ZNF326: variants seen among roughly 807,000 people sequenced by gnomAD.
ZNF326 encodes zinc finger protein 326.
A neutral mutation model predicts 63.1 loss-of-function variants in ZNF326; 30 were observed. The ratio of observed to expected loss-of-function variants is 0.48; its 90% CI spans 0.36 to 0.64. The LOEUF (loss-of-function observed/expected upper bound fraction) is 0.64. Ranked by LOEUF, ZNF326 falls within the 30% of genes least tolerant of loss-of-function variation. ZNF326 has a pLI of 0.00. For synonymous variants in ZNF326, 194 were observed against 228.2 expected (o/e 0.85, Z 1.35); for missense variants, 609 against 720.3 (o/e 0.85, Z 1.77).
intron 4 of ZNF326, among the ~76,000 whole-genome samples, chr1:90,006,830 C>A (rs760845088): frequency 6.6e-6 from 1 of 152,136 alleles, no homozygotes; most frequent in Non-Finnish European, 1.5e-5. Flanking sequence ...CCTACAGACA[C>A]AATGAAGCAG....
rs1273858503 is a variant in ZNF326, at chr1:90,034,579, A to G, written c.*6878A>G. The G allele has an allele frequency of 2.0e-5, 3 of 152,190 alleles. No homozygotes were observed. The highest frequency in any genetic ancestry group is 7.2e-5 in the African/African-American group (3 of 41,472). The allele number at this position is 152,190 out of a possible 1,614,324, so 9.4% of individuals were successfully genotyped here. ...GTAGGAATTCAGGGTCCATCCTGTC[A>G]TCACAATGCAATGAAACAAAAAATT... On this transcript the variant is annotated 3_prime_UTR_variant, in exon 12 of 12. Transcript: ENST00000340281.
At chr1:90,027,033 A>G (rs1034672942) in intron 11 of ZNF326, among the ~76,000 whole-genome samples, 1 of 150,356 alleles carries the variant, frequency 6.7e-6, no homozygotes, top group African/African-American at 2.4e-5. Flanking sequence ...TGTTTCTACC[A>G]AAAACCACAC....
In ZNF326 at chr1:90,007,543, C is replaced by T; in HGVS notation, c.408C>T (p.Tyr136=). The change falls in exon 5 of 12, where the codon TAC becomes TAT. Residue 136 remains tyrosine, a synonymous_variant. Coordinates refer to ENST00000340281, the MANE Select transcript of ZNF326 (RefSeq NM_182976.4). This position sits in a 1 kb window ranked among gnomAD's most constrained non-coding sequence, Gnocchi z 4.9. ...NQGGSSWEAP[Y]SRSKLRPGFM... ...GCGGGTCTAGCTGGGAAGCACCTTA[C>T]TCCCGTTCAAAATTGAGGCCTGGGT... is the stretch of plus-strand genomic sequence containing the variant. 1.9e-6 allele frequency: 3 copies of T among 1,614,018 alleles called. No homozygotes were observed. The highest frequency in any genetic ancestry group is 2.5e-6 in the Non-Finnish European group (3 of 1,179,978).
rs566319916 is a variant in ZNF326, at chr1:90,007,183, A to T, written c.210-162A>T. ...AGCTTTCTATCTGGTCTCACGTTGA[A>T]CTGCCCAGCCCTAATCAAATGTGAA... On this transcript the variant is annotated intron_variant, in intron 4 of 11. Transcript: ENST00000340281. The surrounding 1 kb of genome is among the most constrained non-coding windows in gnomAD (Gnocchi z 4.9). 2.6e-5 allele frequency among the ~76,000 whole-genome samples: 4 copies of T among 152,352 alleles called. No individual in the cohort carries two copies. The highest frequency in any genetic ancestry group is 2.6e-4 in the Admixed American group (4 of 15,300).
At chr1:89,995,571 G>GA (rs1239524446) in intron 1 of ZNF326, among the ~76,000 whole-genome samples, 1 of 152,260 alleles carries the variant, frequency 6.6e-6, no homozygotes, top group Non-Finnish European at 1.5e-5. Flanking sequence ...CCTGGTAGTG[G>GA]AAATTGCCCC....
At chr1:90,002,398 A>C (rs1213307997) in intron 2 of ZNF326, among the ~76,000 whole-genome samples, 1 of 152,226 alleles carries the variant, frequency 6.6e-6, no homozygotes, top group Non-Finnish European at 1.5e-5. Flanking sequence ...GTGCTAACTC[A>C]AAATAGAAAC....
chr1:90,022,187 A>G (rs1570319177), intron 10 of ZNF326, 63 bp from the exon 11 acceptor site: 1 of 1,216,292 alleles, frequency 8.2e-7, no homozygotes, highest in African/African-American at 1.5e-5. Context: ...TGCTGTTTTA[A>G]TTATGGAAAT....
At chr1:89,998,415 A>G (rs1016848039) in intron 2 of ZNF326, among the ~76,000 whole-genome samples, 6 of 152,172 alleles carry the variant, frequency 3.9e-5, no homozygotes, top group Admixed American at 3.9e-4. Context: ...GGGCCTAACT[A>G]CATTCTGAGT....
At chr1:90,015,983 T>G (rs544778995) in intron 7 of ZNF326, among the ~76,000 whole-genome samples, 1 of 152,244 alleles carries the variant, frequency 6.6e-6, no homozygotes, top group South Asian at 2.1e-4. Context: ...AAGAAGAGAT[T>G]AGGAAATTTC....
In ZNF326 at chr1:90,027,390, G is replaced by T; in HGVS notation, c.1438G>T (p.Asp480Tyr). 1 of 1,613,892 alleles carries T rather than the reference G, an allele frequency of 6.2e-7. No individual in the cohort carries two copies. Among genetic ancestry groups the T allele is most frequent in the Non-Finnish European group, 8.5e-7 (1 of 1,179,938 alleles). ...TTTTGAAATTCAAGACCATTCTCAGGATCAGCAAATAGAAGGAGATGAGGA... is the reference window on the plus strand; with the variant it reads ...TTTTGAAATTCAAGACCATTCTCAGTATCAGCAAATAGAAGGAGATGAGGA... ...NPFEIQDHSQDQQIEGDEEDE... is the reference protein window; with the variant it reads ...NPFEIQDHSQYQQIEGDEEDE... The change falls in exon 12 of 12, where the codon GAT becomes TAT. Residue 480 changes from aspartate (D) to tyrosine (Y), a missense_variant. Asp to Tyr is a radical substitution (Grantham distance 160). Coordinates refer to ENST00000340281, the MANE Select transcript of ZNF326 (RefSeq NM_182976.4).
chr1:90,022,709 A>T (rs72716378), intron 11 of ZNF326, among the ~76,000 whole-genome samples: 2,252 of 152,266 alleles, frequency 0.015, 21 homozygotes, highest in Non-Finnish European at 0.022. Flanking sequence ...GTAGACTTAG[A>T]TCCTCCCAAT....
Position 90,032,822 on chromosome 1 carries a change from A to T in ZNF326, c.*5121A>T, listed in dbSNP as rs555302248. 1 of 152,362 alleles carries T rather than the reference A, an allele frequency of 6.6e-6. No homozygotes were observed. The highest frequency in any genetic ancestry group is 2.4e-5 in the African/African-American group (1 of 41,582). 9.4% of individuals were successfully genotyped at this position (152,362 alleles called of 1,614,324 possible). On this transcript the variant is annotated 3_prime_UTR_variant, in exon 12 of 12. Coordinates refer to ENST00000340281, the MANE Select transcript of ZNF326 (RefSeq NM_182976.4). ...CTGTAACACAATTTGATGTTTGCCA[A>T]ATAAGGTGAGACTCACAGAGTATAT...
rs375290589 is a variant in ZNF326, at chr1:89,995,130, C to T, written c.-128C>T. 432 of 1,202,478 alleles carry T rather than the reference C, an allele frequency of 3.6e-4. 4 individuals carry two copies. In the East Asian group the frequency reaches 8.9e-3, roughly 25 times the overall value. The allele number at this position is 1,202,478 out of a possible 1,614,324, so 74.5% of individuals were successfully genotyped here. Reference sequence around the variant, plus strand: ...TCCCCAGCCTCGCTGTGGCCTGCGGCTCCCGGGCTGGTAGCGCGCCGCTCT... The same window carrying T: ...TCCCCAGCCTCGCTGTGGCCTGCGGTTCCCGGGCTGGTAGCGCGCCGCTCT... On this transcript the variant is annotated 5_prime_UTR_variant, in exon 1 of 12. Coordinates refer to ENST00000340281, the MANE Select transcript of ZNF326 (RefSeq NM_182976.4).
chr1:90,017,641 T>G (rs192425902), intron 8 of ZNF326, among the ~76,000 whole-genome samples, 177 bp downstream of exon 8: 1 of 152,376 alleles, frequency 6.6e-6, no homozygotes, highest in Admixed American at 6.5e-5. Context: ...TAATAGAATT[T>G]GTATTTGTTA....
chr1:90,005,422 G>A, intron 4 of ZNF326, 178 bp downstream of exon 4: 1 of 1,327,000 alleles, frequency 7.5e-7, no homozygotes, highest in Admixed American at 3.7e-5. Context: ...AGTATTACTG[G>A]CAGACGTTAT....
At chr1:90,013,325 T>C in intron 7 of ZNF326, 88 bp downstream of exon 7, 2 of 1,029,744 alleles carry the variant, frequency 1.9e-6, no homozygotes, top group Non-Finnish European at 2.7e-6. Flanking sequence ...TAAAAAGTTC[T>C]TAAGATTCAA....
intron 11 of ZNF326, 55 bp downstream of exon 11, chr1:90,022,400 A>T: frequency 7.9e-7 from 1 of 1,259,964 alleles, no homozygotes; most frequent in South Asian, 1.2e-5. Context: ...GCAATAATTA[A>T]CTGGTGACAT....
At chr1:90,004,857 T>C (rs1648894411) in intron 2 of ZNF326, 146 bp from the exon 3 acceptor site, 1 of 480,360 alleles carries the variant, frequency 2.1e-6, no homozygotes, top group African/African-American at 2.0e-5. Context: ...CTTTGTGTTT[T>C]TCCCTTCAGC....
At chr1:90,013,057 G>A (rs1002272322) in intron 6 of ZNF326, 69 bp from the exon 7 acceptor site, 55 of 1,347,456 alleles carry the variant, frequency 4.1e-5, no homozygotes, top group Non-Finnish European at 5.3e-5. Flanking sequence ...TGTACTTTAC[G>A]AACTGATGAT....
Sources: allele counts gnomAD v4.1 joint callset (sites outside exome capture counted in the v4.1 genomes callset), GRCh38; gene constraint gnomAD v4.1.1; non-coding constraint Gnocchi (gnomAD v3.1); transcripts MANE v1.5; gene names NCBI Gene and HGNC (gene_info 2026-07-23, HGNC 2026-07-21).